Variants in FNDC3B observed in about 807,000 individuals in gnomAD.
FNDC3B encodes the protein fibronectin type III domain-containing protein 3B.
Under a neutral mutation model 151.5 loss-of-function variants are expected in FNDC3B, and 12 were observed. That is an observed-to-expected ratio of 0.08 (90% CI 0.05 to 0.13). FNDC3B has a LOEUF of 0.13. Ranked by LOEUF, FNDC3B falls within the 10% of genes least tolerant of loss-of-function variation. The pLI, the probability that FNDC3B is intolerant of heterozygous loss-of-function variation, is 1.00. For synonymous variants in FNDC3B, 528 were observed against 549.0 expected (o/e 0.96, Z 0.54); for missense variants, 1,214 against 1,505.3 (o/e 0.81, Z 3.20).
intron 6 of FNDC3B, among the ~76,000 whole-genome samples, chr3:172,258,587 G>T (rs1728489402): frequency 6.6e-6 from 1 of 152,172 alleles, no homozygotes; most frequent in African/African-American, 2.4e-5. Flanking sequence ...CCCTCTGGGG[G>T]TCTGAGACTG....
Position 172,375,749 on chromosome 3 carries a change from T to C in FNDC3B, c.3009-2521T>C, listed in dbSNP as rs372484555. 1.1e-4 allele frequency among the ~76,000 whole-genome samples: 17 copies of C among 152,260 alleles called. No homozygotes were observed. In the East Asian group the frequency reaches 2.5e-3, roughly 23 times the overall value. ...TACATTAGAGGACTGCTTAGACGCA[T>C]GCTTATTCTAGAAAAGGCTGAAGGA... On this transcript the variant is annotated intron_variant, in intron 23 of 25. Coordinates refer to ENST00000415807, the MANE Select transcript of FNDC3B (RefSeq NM_022763.4).
chr3:172,143,857 C>T (rs531706327), intron 3 of FNDC3B, among the ~76,000 whole-genome samples: 4 of 151,626 alleles, frequency 2.6e-5, no homozygotes, highest in African/African-American at 7.3e-5. Context: ...TGCAGTGAGC[C>T]GAGATCGTGC....
chr3:172,317,162 G>A, intron 11 of FNDC3B: 2 of 443,158 alleles, frequency 4.5e-6, no homozygotes, highest in Admixed American at 5.1e-5. Flanking sequence ...ATGTTGCATT[G>A]GGGATTAATT....
At chr3:172,076,493 G>A (rs1407101166) in intron 1 of FNDC3B, among the ~76,000 whole-genome samples, 2 of 152,150 alleles carry the variant, frequency 1.3e-5, no homozygotes, top group African/African-American at 4.8e-5. Context: ...AGACTGTCAG[G>A]CATTTACTCT....
At chr3:172,373,702 G>A (rs942597376) in intron 23 of FNDC3B, among the ~76,000 whole-genome samples, 3 of 152,168 alleles carry the variant, frequency 2.0e-5, no homozygotes, top group Non-Finnish European at 4.4e-5. Flanking sequence ...ATCTCTCCCT[G>A]AGTGGTTCTA....
intron 3 of FNDC3B, among the ~76,000 whole-genome samples, chr3:172,144,098 G>T (rs1024958850): frequency 6.6e-6 from 1 of 152,086 alleles, no homozygotes; most frequent in Admixed American, 6.6e-5. Flanking sequence ...TCTGCTTCTC[G>T]TGAGGGCCTC....
chr3:172,369,725 A>T lies in FNDC3B; in HGVS notation c.3008+6880A>T, dbSNP rs111671917. Among the ~76,000 whole-genome samples the T allele has an allele frequency of 3.2e-3, 480 of 152,284 alleles. 2 individuals carry two copies. Among genetic ancestry groups the T allele is most frequent in the African/African-American group, 0.011 (448 of 41,552 alleles). On this transcript the variant is annotated intron_variant, in intron 23 of 25. Transcript: ENST00000415807. ...AAACGGGGACTCTTGCCAACATCAA[A>T]ATCAGTTTAGGTATTGCACCTTCCC...
At chr3:172,104,455 A>C (rs1719536171) in intron 1 of FNDC3B, among the ~76,000 whole-genome samples, 1 of 150,920 alleles carries the variant, frequency 6.6e-6, no homozygotes, top group Admixed American at 6.6e-5. Flanking sequence ...GAAAAATTCT[A>C]ATAACAGTTC....
At chr3:172,188,579 G>T (rs1215557469) in intron 3 of FNDC3B, among the ~76,000 whole-genome samples, 1 of 151,840 alleles carries the variant, frequency 6.6e-6, no homozygotes, top group East Asian at 1.9e-4. Context: ...CTAATTTTTT[G>T]TATTTTTGGT....
chr3:172,338,938 C>A (rs1220970527), intron 16 of FNDC3B, among the ~76,000 whole-genome samples: 1 of 151,910 alleles, frequency 6.6e-6, no homozygotes, highest in Admixed American at 6.5e-5. Flanking sequence ...GGGGTTTCAC[C>A]GTTTTACCCA....
intron 6 of FNDC3B, among the ~76,000 whole-genome samples, chr3:172,263,888 T>A (rs1190737481): frequency 6.6e-6 from 1 of 152,198 alleles, no homozygotes; most frequent in African/African-American, 2.4e-5. Context: ...TTTTAGGTAG[T>A]AAACATACAT....
chr3:172,134,751 A>C (rs1330172435), intron 3 of FNDC3B, among the ~76,000 whole-genome samples: 3 of 152,158 alleles, frequency 2.0e-5, no homozygotes, highest in African/African-American at 7.2e-5. Context: ...CACTTTTATT[A>C]ATGATTTCTA....
chr3:172,220,979 G>A (rs914483743), intron 3 of FNDC3B, among the ~76,000 whole-genome samples: 5 of 152,040 alleles, frequency 3.3e-5, no homozygotes, highest in African/African-American at 1.2e-4. Flanking sequence ...GCAGTGTTTT[G>A]TAGTTTCAGT....
At chr3:172,200,288 C>T (rs973281915) in intron 3 of FNDC3B, among the ~76,000 whole-genome samples, 1 of 152,196 alleles carries the variant, frequency 6.6e-6, no homozygotes, top group Non-Finnish European at 1.5e-5. Context: ...GGGGAAACTC[C>T]ACACAGAGGC....
intron 3 of FNDC3B, among the ~76,000 whole-genome samples, chr3:172,201,550 T>A (rs986919343): frequency 6.6e-6 from 1 of 152,162 alleles, no homozygotes; most frequent in Non-Finnish European, 1.5e-5. Context: ...GATTTCCCTA[T>A]CATGGGCCTT....
At chr3:172,282,539 T>TAA (rs1729788051) in intron 6 of FNDC3B, among the ~76,000 whole-genome samples, 1 of 152,228 alleles carries the variant, frequency 6.6e-6, no homozygotes, top group Non-Finnish European at 1.5e-5. Flanking sequence ...GCCCACTTTT[T>TAA]AAATTCTTCC....
At chr3:172,235,249 A>G (rs1480184732) in intron 4 of FNDC3B, among the ~76,000 whole-genome samples, 1 of 152,160 alleles carries the variant, frequency 6.6e-6, no homozygotes, top group Non-Finnish European at 1.5e-5. Context: ...TATGACATGG[A>G]AATGTCACAT....
At chr3:172,073,824 CG>C (rs1255085508) in intron 1 of FNDC3B, among the ~76,000 whole-genome samples, 14 of 151,628 alleles carry the variant, frequency 9.2e-5, no homozygotes, top group African/African-American at 3.4e-4. Context: ...GATTTTGTAG[CG>C]TAAGTTTACT....
intron 1 of FNDC3B, chr3:172,046,805 G>A (rs1177779155): frequency 6.6e-6 from 1 of 152,094 alleles, no homozygotes; most frequent in East Asian, 1.9e-4. Context: ...TTTCATTTCA[G>A]TTACTTGTTT....
Sources: gnomAD v4.1 joint callset for allele counts (sites outside exome capture counted in the v4.1 genomes callset) on GRCh38, gnomAD v4.1.1 for gene constraint, MANE v1.5 for transcripts, NCBI Gene and HGNC (gene_info 2026-07-23, HGNC 2026-07-21) for gene names.